Variants in NAALADL2 observed in about 807,000 individuals in gnomAD.
The protein encoded by NAALADL2 is inactive N-acetylated-alpha-linked acidic dipeptidase-like protein 2.
NAALADL2 carries 76 observed loss-of-function variants against 87.2 expected under a neutral mutation model. That is an observed-to-expected ratio of 0.87 (90% CI 0.72 to 1.05). NAALADL2 has a LOEUF of 1.05. Among genes scored for constraint, NAALADL2 ranks in the 50% least tolerant of loss-of-function variants. The pLI is 0.00. For missense variants in NAALADL2, 1,089 were observed against 945.8 expected, an observed-to-expected ratio of 1.15 and a Z score of -1.99; for synonymous variants, 354 against 331.0, an observed-to-expected ratio of 1.07 and a Z score of -0.75.
chr3:175,607,032 A>G (rs1723851346), intron 10 of NAALADL2, among the ~76,000 whole-genome samples: 1 of 152,226 alleles, frequency 6.6e-6, no homozygotes, highest in African/African-American at 2.4e-5. Flanking sequence ...ACTGCAGCTC[A>G]TTCAATGAAT....
At chr3:174,926,137 C>T (rs573180982) in intron 1 of NAALADL2, among the ~76,000 whole-genome samples, 10 of 151,780 alleles carry the variant, frequency 6.6e-5, no homozygotes, top group East Asian at 3.9e-4. Flanking sequence ...TGAAATGAAG[C>T]GAGAAGAGAA....
intron 4 of NAALADL2, among the ~76,000 whole-genome samples, chr3:175,323,831 C>T (rs1261563278): frequency 1.3e-5 from 2 of 148,332 alleles, no homozygotes; most frequent in Non-Finnish European, 3.0e-5. Flanking sequence ...TCCTGGCTGA[C>T]ACGGTGAAAC....
chr3:175,673,859 C>A (rs1734342717), intron 11 of NAALADL2, among the ~76,000 whole-genome samples: 1 of 151,934 alleles, frequency 6.6e-6, no homozygotes, highest in Non-Finnish European at 1.5e-5. Flanking sequence ...TTAATAATCT[C>A]TCCATGCATA....
At chr3:175,470,171 G>A (rs542913026) in intron 8 of NAALADL2, among the ~76,000 whole-genome samples, 2 of 152,164 alleles carry the variant, frequency 1.3e-5, no homozygotes, top group East Asian at 1.9e-4. Flanking sequence ...GTATTCCATT[G>A]TGTATATATA....
At chr3:174,515,506 G>A (rs1311099465) in intron 1 of NAALADL2, among the ~76,000 whole-genome samples, 4 of 151,960 alleles carry the variant, frequency 2.6e-5, no homozygotes, top group Non-Finnish European at 5.9e-5. Context: ...AAACTACTTA[G>A]CACATTTTAC....
At chr3:174,537,050 A>G (rs904194720) in intron 1 of NAALADL2, among the ~76,000 whole-genome samples, 1 of 152,214 alleles carries the variant, frequency 6.6e-6, no homozygotes, top group African/African-American at 2.4e-5. Flanking sequence ...TATATGTAAT[A>G]TCAATGATAC....
intron 2 of NAALADL2, among the ~76,000 whole-genome samples, chr3:174,641,229 C>T (rs534249077): frequency 6.6e-6 from 1 of 152,090 alleles, no homozygotes; most frequent in South Asian, 2.1e-4. Flanking sequence ...CACGTGCGCT[C>T]GGGGGAGGAC....
rs895364331 is a variant in NAALADL2, at chr3:174,594,917, T to C, written c.-115+44280T>C. ...CTAGTTTGTAGGTGGTTAACACAGA[T>C]GTTAGTTCCTTTTCTTATATTTTTG... On this transcript the variant is annotated intron_variant, in intron 2 of 3. Coordinates refer to the NAALADL2 transcript ENST00000434257. Among the ~76,000 whole-genome samples the C allele has an allele frequency of 2.6e-5, 4 of 152,222 alleles. No homozygotes were observed. In the East Asian group the frequency reaches 5.8e-4, roughly 22 times the overall value.
intron 11 of NAALADL2, among the ~76,000 whole-genome samples, chr3:175,728,904 T>A (rs755140508): frequency 6.6e-6 from 1 of 152,150 alleles, no homozygotes; most frequent in Non-Finnish European, 1.5e-5. Context: ...CTTGTTTCTC[T>A]AAAAAATCTT....
Position 174,995,604 on chromosome 3 carries a change from A to G in NAALADL2, c.44-101186A>G, listed in dbSNP as rs913745569. On this transcript the variant is annotated intron_variant, in intron 1 of 13. Transcript: ENST00000454872. ...CCTCAATTATGCTTCTCAGAATACA[A>G]CAGGTAATGAGTAACGGAATTGTTC... Among the ~76,000 whole-genome samples, 4 of 152,302 alleles carry G rather than the reference A, an allele frequency of 2.6e-5. 1 individual carries two copies. Among genetic ancestry groups the G allele is most frequent in the Admixed American group, 2.6e-4 (4 of 15,300 alleles).
At chr3:175,438,992 C>T (rs1162023643) in intron 5 of NAALADL2, among the ~76,000 whole-genome samples, 2 of 152,018 alleles carry the variant, frequency 1.3e-5, no homozygotes, top group Non-Finnish European at 2.9e-5. Context: ...AGTCTTTTAT[C>T]CCTCACCCCC....
At chr3:174,618,823 TAAAGA>T (rs1311766892) in intron 2 of NAALADL2, among the ~76,000 whole-genome samples, 5 of 151,934 alleles carry the variant, frequency 3.3e-5, no homozygotes, top group Non-Finnish European at 7.4e-5. Flanking sequence ...TATAACTGTT[TAAAGA>T]AAAGTATACA....
At chr3:175,046,413 T>C (rs1391347598) in intron 1 of NAALADL2, among the ~76,000 whole-genome samples, 3 of 152,182 alleles carry the variant, frequency 2.0e-5, no homozygotes, top group African/African-American at 7.2e-5. Flanking sequence ...TTTCATACTT[T>C]TTTTTCATAA....
chr3:174,718,707 T>C (rs1034887071), intron 2 of NAALADL2, among the ~76,000 whole-genome samples: 22 of 152,204 alleles, frequency 1.4e-4, no homozygotes, highest in Admixed American at 1.2e-3. Flanking sequence ...ATTAGATCCA[T>C]TCTCTAAATC....
chr3:174,689,126 A>G (rs911066159), intron 2 of NAALADL2, among the ~76,000 whole-genome samples: 2 of 152,140 alleles, frequency 1.3e-5, no homozygotes, highest in Admixed American at 6.6e-5. Flanking sequence ...AATAAAAACA[A>G]TAAGTATAAT....
Position 175,597,129 on chromosome 3 carries a change from G to A in NAALADL2, c.1800+20942G>A, listed in dbSNP as rs188244293. On this transcript the variant is annotated intron_variant, in intron 10 of 13. Transcript: ENST00000454872. ...TGAAGGTAACTTTCAACTCTTATTA[G>A]CACTTTTCAAAGCAAGTTTTCCATC... Among the ~76,000 whole-genome samples the A allele has an allele frequency of 1.9e-3, 295 of 152,040 alleles. 2 individuals carry two copies. Among genetic ancestry groups the A allele is most frequent in the African/African-American group, 6.9e-3 (288 of 41,536 alleles).
chr3:175,092,576 A>G (rs1298722079), intron 1 of NAALADL2, among the ~76,000 whole-genome samples: 1 of 151,834 alleles, frequency 6.6e-6, no homozygotes, highest in East Asian at 1.9e-4. Context: ...ACTTATCTTT[A>G]TTTCCATATA....
At chr3:175,299,856 A>T (rs7632857) in intron 4 of NAALADL2, among the ~76,000 whole-genome samples, 27,450 of 152,060 alleles carry the variant, frequency 0.18, 2,729 homozygotes, top group African/African-American at 0.26. Context: ...GGCTTCCTGA[A>T]CTTGTGCTGA....
chr3:174,539,426 A>G (rs1206617968), intron 1 of NAALADL2, among the ~76,000 whole-genome samples: 2 of 152,198 alleles, frequency 1.3e-5, no homozygotes, highest in Non-Finnish European at 2.9e-5. Flanking sequence ...TATTTATTTT[A>G]ATAGTATATA....
Sources: allele counts gnomAD v4.1 joint callset (sites outside exome capture counted in the v4.1 genomes callset), GRCh38; gene constraint gnomAD v4.1.1; transcripts MANE v1.5; gene names NCBI Gene and HGNC (gene_info 2026-07-23, HGNC 2026-07-21).